CSMD3: variants seen among roughly 807,000 people sequenced by gnomAD.
CSMD3 encodes CUB and Sushi multiple domains 3.
A neutral mutation model predicts 435.2 loss-of-function variants in CSMD3; 177 were observed. The ratio of observed to expected loss-of-function variants is 0.41; its 90% CI spans 0.36 to 0.46. The LOEUF (loss-of-function observed/expected upper bound fraction) is 0.46. Among genes scored for constraint, CSMD3 ranks in the 20% least tolerant of loss-of-function variants. CSMD3 has a pLI of 0.34. For missense variants in CSMD3, 4,265 were observed against 4,504.6 expected (o/e 0.95, Z 1.52); for synonymous variants, 1,656 against 1,520.5 (o/e 1.09, Z -2.07).
At chr8:113,345,475 A>C (rs2094145736) in intron 1 of CSMD3, among the ~76,000 whole-genome samples, 2 of 152,228 alleles carry the variant, frequency 1.3e-5, no homozygotes, top group South Asian at 4.1e-4. Context: ...GCTTGTTATT[A>C]AACTCCAAAA....
chr8:112,317,950 A>G (rs1042426634), intron 47 of CSMD3, among the ~76,000 whole-genome samples: 2 of 152,118 alleles, frequency 1.3e-5, no homozygotes, highest in African/African-American at 2.4e-5. Context: ...ATTGTATTCA[A>G]CTTAATCAAC....
chr8:112,390,523 T>C (rs1404331086), intron 36 of CSMD3, 141 bp downstream of exon 36: 2 of 725,302 alleles, frequency 2.8e-6, no homozygotes, highest in East Asian at 5.4e-5. Context: ...AAAAAATTAA[T>C]AACAAATATC....
rs57407627 is a variant in CSMD3, at chr8:112,671,866, T to C, written c.2678-5451A>G. 3.0e-3 allele frequency among the ~76,000 whole-genome samples: 462 copies of C among 152,130 alleles called. 1 individual carries two copies. The highest frequency in any genetic ancestry group is 0.01 in the African/African-American group (429 of 41,520). On this transcript the variant is annotated intron_variant, in intron 16 of 70. Transcript: ENST00000297405. ...GGGGGTAGAATATTTAGTCCAAAGG[T>C]TTTTAGTATAATTTTGAGGCTCTAA...
Position 113,314,852 on chromosome 8 carries a change from GATA to G in CSMD3, c.179-62_179-60del, listed in dbSNP as rs146554970. Reference sequence around the variant, plus strand: ...TATATAAATCAAGAACAATCCATGAGATAATATTATTTTGAAAGTCTATTGCAT... The same window carrying G: ...TATATAAATCAAGAACAATCCATGAGATATTATTTTGAAAGTCTATTGCAT... On this transcript the variant is annotated intron_variant, in intron 1 of 70. Coordinates refer to ENST00000297405, the MANE Select transcript of CSMD3 (RefSeq NM_198123.2). 8.8e-4 allele frequency: 1,007 copies of G among 1,141,512 alleles called. 4 individuals carry two copies. The African/African-American group carries it at 0.012, about 14-fold the overall frequency. The allele number at this position is 1,141,512 out of a possible 1,614,324, so 70.7% of individuals were successfully genotyped here.
At chr8:113,368,730 C>T (rs1294028909) in intron 1 of CSMD3, among the ~76,000 whole-genome samples, 3 of 152,004 alleles carry the variant, frequency 2.0e-5, no homozygotes, top group Non-Finnish European at 4.4e-5. Context: ...ATTATGAAGA[C>T]CGATTCTGTG....
intron 11 of CSMD3, among the ~76,000 whole-genome samples, chr8:112,852,099 G>T (rs1339546062): frequency 6.6e-6 from 1 of 152,090 alleles, no homozygotes; most frequent in Non-Finnish European, 1.5e-5. Flanking sequence ...ATCAGCAATA[G>T]GACTTCAGTA....
intron 5 of CSMD3, among the ~76,000 whole-genome samples, chr8:113,035,987 C>A (rs1468645566): frequency 6.6e-6 from 1 of 151,704 alleles, no homozygotes; most frequent in Admixed American, 6.6e-5. Context: ...TTGCTTATAA[C>A]AAATTTTCTT....
At chr8:112,970,045 G>C (rs1012117199) in intron 7 of CSMD3, among the ~76,000 whole-genome samples, 4 of 151,698 alleles carry the variant, frequency 2.6e-5, no homozygotes, top group African/African-American at 7.3e-5. Flanking sequence ...TCTAAGACTG[G>C]GTTTTTATAC....
intron 1 of CSMD3, among the ~76,000 whole-genome samples, chr8:113,398,603 A>T (rs1345545204): frequency 1.3e-5 from 2 of 152,090 alleles, no homozygotes; most frequent in Non-Finnish European, 2.9e-5. Context: ...CTTTTCCACT[A>T]ATGTTATTTT....
chr8:112,895,916 G>GT (rs1162902201), intron 10 of CSMD3, among the ~76,000 whole-genome samples: 1 of 151,320 alleles, frequency 6.6e-6, no homozygotes, highest in Non-Finnish European at 1.5e-5. Context: ...GAAAAAGTAG[G>GT]TTTTGTTTGT....
intron 1 of CSMD3, among the ~76,000 whole-genome samples, chr8:113,356,613 C>T (rs956096467): frequency 1.3e-5 from 2 of 152,080 alleles, no homozygotes; most frequent in African/African-American, 4.8e-5. Flanking sequence ...GAACAAATTA[C>T]ATGTGATACT....
intron 4 of CSMD3, among the ~76,000 whole-genome samples, chr8:113,124,399 G>C (rs544526049): frequency 1.4e-4 from 21 of 151,612 alleles, no homozygotes; most frequent in Non-Finnish European, 2.7e-4. Context: ...TATTTAACGA[G>C]ACATCATTGT....
intron 31 of CSMD3, among the ~76,000 whole-genome samples, chr8:112,489,141 G>T (rs1022687768): frequency 6.6e-6 from 1 of 152,220 alleles, no homozygotes; most frequent in Non-Finnish European, 1.5e-5. Context: ...AGTTAGGCCA[G>T]GTGTGGTGGC....
rs556979263 is a variant in CSMD3, at chr8:112,685,881, C to T, written c.2156-149G>A. The T allele has an allele frequency of 5.4e-5, 34 of 631,596 alleles. No individual in the cohort carries two copies. The East Asian group carries it at 9.6e-4, about 18-fold the overall frequency. The allele number at this position is 631,596 out of a possible 1,614,324, so 39.1% of individuals were successfully genotyped here. On this transcript the variant is annotated intron_variant, in intron 14 of 70. Coordinates refer to ENST00000297405, the MANE Select transcript of CSMD3 (RefSeq NM_198123.2). The stretch of plus-strand genomic sequence containing the variant: ...TTATAAAACAGAACAAAACGGTTAC[C>T]ATTTTTACATATTGAAAAAGGCAAC...
At chr8:112,891,708 T>C (rs761874768) in intron 10 of CSMD3, among the ~76,000 whole-genome samples, 4 of 151,622 alleles carry the variant, frequency 2.6e-5, no homozygotes, top group Non-Finnish European at 5.9e-5. Flanking sequence ...AAAAATTTGA[T>C]GTACATGTAA....
chr8:113,006,481 G>A (rs1211813390), intron 6 of CSMD3, among the ~76,000 whole-genome samples: 1 of 151,954 alleles, frequency 6.6e-6, no homozygotes, highest in Non-Finnish European at 1.5e-5. Context: ...GGGCTTTAAT[G>A]GGATTGCCCT....
At chr8:112,227,858 C>G (rs772044934) in intron 70 of CSMD3, among the ~76,000 whole-genome samples, 2 of 151,948 alleles carry the variant, frequency 1.3e-5, no homozygotes, top group African/African-American at 4.8e-5. Flanking sequence ...CTGGCTAACA[C>G]GGTGAAACCC....
chr8:112,766,000 T>G (rs2077969718), intron 13 of CSMD3, among the ~76,000 whole-genome samples: 1 of 151,658 alleles, frequency 6.6e-6, no homozygotes, highest in Admixed American at 6.6e-5. Context: ...AGAGCTAACC[T>G]TCCCCATACT....
At chr8:112,611,894 T>G (rs1369931364) in intron 22 of CSMD3, among the ~76,000 whole-genome samples, 2 of 152,162 alleles carry the variant, frequency 1.3e-5, no homozygotes, top group Non-Finnish European at 2.9e-5. Flanking sequence ...AATATTACAT[T>G]TTAAACCATT....
Sources: allele counts gnomAD v4.1 joint callset (sites outside exome capture counted in the v4.1 genomes callset), GRCh38; gene constraint gnomAD v4.1.1; transcripts MANE v1.5; gene names NCBI Gene and HGNC (gene_info 2026-07-23, HGNC 2026-07-21).